PTPN2: variants seen among roughly 807,000 people sequenced by gnomAD.
PTPN2 encodes tyrosine-protein phosphatase non-receptor type 2.
PTPN2 carries 19 observed loss-of-function variants against 57.3 expected under a neutral mutation model. The observed-to-expected ratio is 0.33, with a 90% CI of 0.23 to 0.49. The LOEUF is 0.49. Ranked by LOEUF, PTPN2 falls within the 20% of genes least tolerant of loss-of-function variation. The pLI, the probability that PTPN2 is intolerant of heterozygous loss-of-function variation, is 0.99. For synonymous variants in PTPN2, 153 were observed against 164.9 expected (o/e 0.93, Z 0.55); for missense variants, 358 against 501.1 (o/e 0.71, Z 2.73).
Position 12,794,432 on chromosome 18 carries a change from A to G in PTPN2, c.1094T>C (p.Val365Ala). Residue 365 changes from valine (V) to alanine (A), a missense_variant, in exon 9 of 9, where the codon GTG (valine) becomes GCG (alanine). Coordinates refer to ENST00000309660, the MANE Select transcript of PTPN2 (RefSeq NM_002828.4). The stretch of plus-strand genomic sequence containing the variant: ...ATTTAGCCTCTGTTTCATCTGCTGC[A>G]CCTTCTGAGCTGTGGTGGCCTTTCT... The part of the protein sequence containing the change: ...EDRKATTAQK[V>A]QQMKQRLNEN... 6.2e-7 allele frequency: 1 copy of G among 1,614,030 alleles called. No homozygotes were observed.
chr18:12,858,552 T>TTG (rs34501164), intron 2 of PTPN2, among the ~76,000 whole-genome samples: 131,779 of 152,042 alleles, frequency 0.87, 58,454 homozygotes, highest in Non-Finnish European at 0.96. Flanking sequence ...CAATTAAAAA[T>TTG]TGTTTATAAT....
intron 1 of PTPN2, among the ~76,000 whole-genome samples, chr18:12,867,502 A>T (rs376719387): frequency 2.2e-4 from 34 of 152,046 alleles, no homozygotes; most frequent in African/African-American, 8.0e-4. Flanking sequence ...ACTCTTTCAG[A>T]TGTACCTCAA....
chr18:12,828,004 C>A (rs1421543986), intron 4 of PTPN2, among the ~76,000 whole-genome samples: 2 of 151,468 alleles, frequency 1.3e-5, no homozygotes, highest in Non-Finnish European at 2.9e-5. Context: ...CTAATAATAT[C>A]TGAAGAAAAA....
intron 1 of PTPN2, among the ~76,000 whole-genome samples, chr18:12,866,726 C>T (rs1048701810): frequency 1.4e-4 from 21 of 151,816 alleles, no homozygotes; most frequent in African/African-American, 4.6e-4. Flanking sequence ...AAATATATCT[C>T]GGCCGGGCGT....
rs1388943204 is a variant in PTPN2 at position 12,834,189 on chromosome 18, T to C, written c.261+2602A>G. On this transcript the variant is annotated intron_variant, in intron 3 of 8. Coordinates refer to ENST00000309660, the MANE Select transcript of PTPN2 (RefSeq NM_002828.4). Reference sequence around the variant, plus strand: ...TAAAAATACAGAAATTAGCTGGGAGTGGTGGTGAGCACCTGTAATCCCAGC... The same window carrying C: ...TAAAAATACAGAAATTAGCTGGGAGCGGTGGTGAGCACCTGTAATCCCAGC... Among the ~76,000 whole-genome samples, 2 of 151,852 alleles carry C rather than the reference T, an allele frequency of 1.3e-5. 1 individual carries two copies. The highest frequency in any genetic ancestry group is 3.9e-4 in the East Asian group (2 of 5,176).
chr18:12,870,269 A>ATGTGTGTG lies in PTPN2; in HGVS notation c.70-11016_70-11015insCACACACA, dbSNP rs1303533373. The stretch of plus-strand genomic sequence containing the variant: ...GTACTTAACTTTAGCATATATATAT[A>ATGTGTGTG]TATGTATATATATACATATACATAT... On this transcript the variant is annotated intron_variant, in intron 1 of 8. Transcript: ENST00000309660. 8.5e-5 allele frequency among the ~76,000 whole-genome samples: 8 copies of ATGTGTGTG among 94,224 alleles called. 1 individual carries two copies. The highest frequency in any genetic ancestry group is 4.3e-4 in the African/African-American group (7 of 16,328). 61.8% of individuals were successfully genotyped at this position (94,224 alleles called of 152,430 possible).
intron 1 of PTPN2, among the ~76,000 whole-genome samples, chr18:12,871,002 C>T (rs1352422390): frequency 2.6e-5 from 4 of 152,008 alleles, no homozygotes; most frequent in African/African-American, 7.3e-5. Context: ...GTATATTTTC[C>T]GAGACATTCT....
rs753128305 is a variant in PTPN2, at chr18:12,807,604, T to TATAAAA, written c.859-5454_859-5453insTTTTAT. Among the ~76,000 whole-genome samples the TATAAAA allele has an allele frequency of 5.2e-5, 5 of 95,540 alleles. No individual in the cohort carries two copies. In the Admixed American group the frequency reaches 6.7e-4, roughly 13 times the overall value. 62.7% of individuals were successfully genotyped at this position (95,540 alleles called of 152,430 possible). A position where few individuals can be genotyped will look rare whatever the true frequency, so the allele number is the denominator to read the frequency against. The stretch of plus-strand genomic sequence containing the variant: ...AAAAAAAAATATATATATATATATA[T>TATAAAA]AATATAATACTATTTGGCCATTAAA... On this transcript the variant is annotated intron_variant, in intron 7 of 8. Coordinates refer to ENST00000309660, the MANE Select transcript of PTPN2 (RefSeq NM_002828.4).
chr18:12,831,324 CTT>C (rs2042660952), intron 3 of PTPN2, among the ~76,000 whole-genome samples: 1 of 152,084 alleles, frequency 6.6e-6, no homozygotes, highest in Non-Finnish European at 1.5e-5. Context: ...GAGAGACAAA[CTT>C]GGGTAGGAAC....
At chr18:12,845,184 A>G (rs535695154) in intron 2 of PTPN2, among the ~76,000 whole-genome samples, 1 of 152,290 alleles carries the variant, frequency 6.6e-6, no homozygotes, top group Admixed American at 6.5e-5. Flanking sequence ...TTTATCTACA[A>G]AAAAACTTCC....
intron 1 of PTPN2, chr18:12,862,698 GGAACAGGCAGGAGCCATCCT>G (rs1317849213): frequency 6.6e-6 from 1 of 152,120 alleles, no homozygotes; most frequent in Non-Finnish European, 1.5e-5. Flanking sequence ...GTGAGGGGTG[GGAACAGGCAGGAGCCATCCT>G]GTGACAGCAA....
intron 5 of PTPN2, among the ~76,000 whole-genome samples, chr18:12,822,659 G>T (rs758625855): frequency 8.5e-5 from 13 of 152,118 alleles, no homozygotes; most frequent in Non-Finnish European, 1.5e-5. Context: ...ATGCAAACTG[G>T]ATCTCTGCAC....
At chr18:12,840,237 AC>A (rs2042998483) in intron 2 of PTPN2, among the ~76,000 whole-genome samples, 1 of 152,154 alleles carries the variant, frequency 6.6e-6, no homozygotes, top group Non-Finnish European at 1.5e-5. Flanking sequence ...ATGTCCAAGA[AC>A]TCAAAGCATT....
chr18:12,884,181 G>C lies in PTPN2; in HGVS notation c.-40C>G. ...GCTGGCGCGAGCAGAGCCTGCGCCG[G>C]CGGAGAGGCTCAGGCCCCGCACGAT... On this transcript the variant is annotated 5_prime_UTR_variant, in exon 1 of 9. Coordinates refer to ENST00000309660, the MANE Select transcript of PTPN2 (RefSeq NM_002828.4). 1 of 1,530,938 alleles carries C rather than the reference G, an allele frequency of 6.5e-7. No individual in the cohort carries two copies. The highest frequency in any genetic ancestry group is 8.8e-7 in the Non-Finnish European group (1 of 1,133,288). The allele number at this position is 1,530,938 out of a possible 1,614,324, so 94.8% of individuals were successfully genotyped here. A position where few individuals can be genotyped will look rare whatever the true frequency, so the allele number is the denominator to read the frequency against.
chr18:12,831,534 A>G (rs910344889), intron 3 of PTPN2, among the ~76,000 whole-genome samples: 2 of 152,216 alleles, frequency 1.3e-5, no homozygotes, highest in African/African-American at 4.8e-5. Flanking sequence ...TCTAGCTGCA[A>G]AGAAGGTAGA....
chr18:12,882,073 C>T (rs893213113), intron 1 of PTPN2, among the ~76,000 whole-genome samples: 3 of 152,228 alleles, frequency 2.0e-5, no homozygotes, highest in Non-Finnish European at 4.4e-5. Flanking sequence ...GCAAAAGCTG[C>T]AACTCCACTG....
At chr18:12,809,634 A>T (rs1039119063) in intron 7 of PTPN2, among the ~76,000 whole-genome samples, 1 of 152,198 alleles carries the variant, frequency 6.6e-6, no homozygotes, top group African/African-American at 2.4e-5. Context: ...GGAGTCTTGG[A>T]TCTAATAAAT....
chr18:12,854,660 G>A (rs982640350), intron 2 of PTPN2, among the ~76,000 whole-genome samples: 15 of 152,094 alleles, frequency 9.9e-5, no homozygotes, highest in Non-Finnish European at 2.1e-4. Flanking sequence ...AAAAGTCCAC[G>A]ACTGCAGATG....
chr18:12,855,114 T>C (rs2043539407), intron 2 of PTPN2, among the ~76,000 whole-genome samples: 1 of 152,198 alleles, frequency 6.6e-6, no homozygotes, highest in Non-Finnish European at 1.5e-5. Context: ...TCTCATTGCA[T>C]TTGACAACTA....
Sources: allele counts gnomAD v4.1 joint callset (sites outside exome capture counted in the v4.1 genomes callset), GRCh38; gene constraint gnomAD v4.1.1; transcripts MANE v1.5; gene names NCBI Gene and HGNC (gene_info 2026-07-23, HGNC 2026-07-21).